RFX1: variants seen among roughly 807,000 people sequenced by gnomAD.
RFX1 encodes MHC class II regulatory factor RFX1.
Under a neutral mutation model 119.6 loss-of-function variants are expected in RFX1, and 42 were observed. That is an observed-to-expected ratio of 0.35 (90% confidence interval 0.27 to 0.45). The LOEUF (loss-of-function observed/expected upper bound fraction) is 0.45, where lower values mean the gene tolerates loss of function less well. RFX1 is among the 20% of genes least tolerant of loss of function. RFX1 has a pLI of 1.00. For missense variants in RFX1, 1,118 were observed against 1,368.1 expected, an observed-to-expected ratio of 0.82 and a Z score of 2.88; for synonymous variants, 628 against 618.5, an observed-to-expected ratio of 1.02 and a Z score of -0.23.
At chr19:14,002,456 T>C (rs191259435) in intron 1 of RFX1, among the ~76,000 whole-genome samples, 106 of 151,196 alleles carry the variant, frequency 7.0e-4, no homozygotes, top group African/African-American at 2.4e-3. Context: ...CTGCACTCCA[T>C]CCTGGGCGAC....
At chr19:13,967,325 G>C (rs1272666096) in intron 12 of RFX1, among the ~76,000 whole-genome samples, 1 of 151,854 alleles carries the variant, frequency 6.6e-6, no homozygotes, top group African/African-American at 2.4e-5. Context: ...CTGTTTTCAT[G>C]GATTGTTGTT....
At chr19:13,973,832 A>G (rs1481320832) in intron 8 of RFX1, among the ~76,000 whole-genome samples, 2 of 151,862 alleles carry the variant, frequency 1.3e-5, no homozygotes, top group African/African-American at 4.8e-5. Flanking sequence ...GTGTTCCACC[A>G]TGTTGGCCAG....
At position 13,985,396 on chromosome 19, in the gene RFX1, T is replaced by A. The variant is rs111972614; in HGVS notation, c.320-1801A>T. Among the ~76,000 whole-genome samples, 3,262 of 152,100 alleles carry A rather than the reference T, an allele frequency of 0.021. 112 individuals are homozygous for A. The highest frequency in any genetic ancestry group is 0.074 in the African/African-American group (3,072 of 41,472). The stretch of plus-strand genomic sequence containing the variant: ...TTTGCCATGTTGGCCAGGCTGCTCT[T>A]GAACTCCTGGCTTCAAGTGATCCGC... On this transcript the variant is annotated intron_variant, in intron 2 of 20. Transcript: ENST00000254325. The surrounding 1 kb of genome is among the most constrained non-coding windows in gnomAD (Gnocchi z 4.3).
rs1034606709 is a variant in RFX1 at position 13,969,369 on chromosome 19, G to A, written c.1497-475C>T. Among the ~76,000 whole-genome samples the A allele has an allele frequency of 1.3e-5, 2 of 152,168 alleles. No individual in the cohort carries two copies. The highest frequency in any genetic ancestry group is 4.8e-5 in the African/African-American group (2 of 41,422). On this transcript the variant is annotated intron_variant, in intron 10 of 20. Transcript: ENST00000254325. The surrounding 1 kb of genome is among the most constrained non-coding windows in gnomAD (Gnocchi z 4.5). ...AATAAGTCATGTAAAAGGCACGTGT[G>A]GGCCGGGCACGGTGGGGTCATGCCT...
chr19:13,974,373 C>T (rs750418836), intron 8 of RFX1, among the ~76,000 whole-genome samples: 10 of 152,060 alleles, frequency 6.6e-5, no homozygotes, highest in East Asian at 1.9e-4. Flanking sequence ...GGATGGGCAC[C>T]GGTGACACAG....
rs193117980 is a variant in RFX1, at chr19:13,965,615, C to G, written c.2113+11G>C. The G allele has an allele frequency of 6.2e-7, 1 of 1,612,798 alleles. No homozygotes were observed. Among genetic ancestry groups the G allele is most frequent in the African/African-American group, 1.3e-5 (1 of 75,004 alleles). On this transcript the variant is annotated intron_variant, in intron 15 of 20. Transcript: ENST00000254325. This position sits in a 1 kb window ranked among gnomAD's most constrained non-coding sequence, Gnocchi z 4.7. ...GTGGGGCAGGGGATGCCGAGCAGGCCGAGCACTCACTGGGGATGGGCCGCA... is the reference window on the plus strand; with the variant it reads ...GTGGGGCAGGGGATGCCGAGCAGGCGGAGCACTCACTGGGGATGGGCCGCA...
rs1198972702 is a variant in RFX1 at position 13,968,888 on chromosome 19, G to A, written c.1503C>T (p.Asn501=). The A allele has an allele frequency of 2.6e-6, 4 of 1,549,628 alleles. No homozygotes were observed. The highest frequency in any genetic ancestry group is 2.7e-5 in the African/African-American group (2 of 73,058). The part of the protein sequence containing the change: ...LRTRRLGTRG[N]SKYHYYGLRI... Reference sequence around the variant, plus strand: ...GCAGGCCATAGTAGTGGTACTTGGAGTTGCCCCTGGGAGGGAGGTGGAGGG... The same window carrying A: ...GCAGGCCATAGTAGTGGTACTTGGAATTGCCCCTGGGAGGGAGGTGGAGGG... The change falls in exon 11 of 21, where the codon AAC becomes AAT. Residue 501 remains asparagine, a synonymous_variant. Transcript: ENST00000254325. The surrounding 1 kb of genome is among the most constrained non-coding windows in gnomAD (Gnocchi z 5.5).
chr19:13,983,607 G>A lies in RFX1; in HGVS notation c.320-12C>T, dbSNP rs776827398. 2.5e-6 allele frequency: 4 copies of A among 1,578,256 alleles called. No individual in the cohort carries two copies. In the Admixed American group the frequency reaches 5.3e-5, roughly 21 times the overall value. On this transcript the variant is annotated splice_polypyrimidine_tract_variant and intron_variant, in intron 2 of 20. Transcript: ENST00000254325. Reference sequence around the variant, plus strand: ...CCGCATGGCACCTTCTGTGGGGAGGGGCCACCAGGTCAGTTCTTCCTGCTT... The same window carrying A: ...CCGCATGGCACCTTCTGTGGGGAGGAGCCACCAGGTCAGTTCTTCCTGCTT...
rs886242734 is a variant in RFX1 at position 13,990,464 on chromosome 19, T to C, written c.319+3061A>G. Reference sequence around the variant, plus strand: ...GGGAGGCTGAAGTGGGAGAATTGTTTGAGGCCAGGAGTTCAAGACCAGCCT... The same window carrying C: ...GGGAGGCTGAAGTGGGAGAATTGTTCGAGGCCAGGAGTTCAAGACCAGCCT... On this transcript the variant is annotated intron_variant, in intron 2 of 20. Coordinates refer to ENST00000254325, the MANE Select transcript of RFX1 (RefSeq NM_002918.5). The surrounding 1 kb of genome is among the most constrained non-coding windows in gnomAD (Gnocchi z 4.1). Among the ~76,000 whole-genome samples, 1 of 151,550 alleles carries C rather than the reference T, an allele frequency of 6.6e-6. No individual in the cohort carries two copies. The highest frequency in any genetic ancestry group is 6.6e-5 in the Admixed American group (1 of 15,190).
At position 13,985,217 on chromosome 19, in the gene RFX1, G is replaced by A. The variant is rs1245816990; in HGVS notation, c.320-1622C>T. On this transcript the variant is annotated intron_variant, in intron 2 of 20. Transcript: ENST00000254325. The surrounding 1 kb of genome is among the most constrained non-coding windows in gnomAD (Gnocchi z 4.3). The stretch of plus-strand genomic sequence containing the variant: ...TTTTTTGAGACAGGGTCTCACAGTT[G>A]CCCAGGCTGGAGTGCAGTGGCGCAA... 2.8e-5 allele frequency among the ~76,000 whole-genome samples: 4 copies of A among 142,536 alleles called. No individual in the cohort carries two copies. Among genetic ancestry groups the A allele is most frequent in the African/African-American group, 1.1e-4 (4 of 37,848 alleles). The allele number at this position is 142,536 out of a possible 152,430, so 93.5% of individuals were successfully genotyped here.
intron 6 of RFX1, 72 bp from the exon 7 acceptor site, chr19:13,979,614 G>T: frequency 9.5e-7 from 1 of 1,057,158 alleles, no homozygotes; most frequent in Non-Finnish European, 1.4e-6. Context: ...CCCTGCACAG[G>T]TGAGCTTCTG....
chr19:13,982,091 G>T, intron 5 of RFX1, 30 bp downstream of exon 5: 1 of 1,163,736 alleles, frequency 8.6e-7, no homozygotes, highest in South Asian at 3.6e-5. Context: ...GACAGCAGGG[G>T]GGAGGGCGGC....
rs186005181 is a variant in RFX1, at chr19:13,969,835, A to C, written c.1496+159T>G. 8 of 628,844 alleles carry C rather than the reference A, an allele frequency of 1.3e-5. No individual in the cohort carries two copies. 39.0% of individuals were successfully genotyped at this position (628,844 alleles called of 1,614,324 possible). On this transcript the variant is annotated intron_variant, in intron 10 of 20. Transcript: ENST00000254325. This position sits in a 1 kb window ranked among gnomAD's most constrained non-coding sequence, Gnocchi z 4.5. ...ATGAGGTGGAAGGCACCGCCAGTGCAAAGGCCTAGAGTGGGAGTGAGCGGG... is the reference window on the plus strand; with the variant it reads ...ATGAGGTGGAAGGCACCGCCAGTGCCAAGGCCTAGAGTGGGAGTGAGCGGG...
intron 8 of RFX1, among the ~76,000 whole-genome samples, chr19:13,974,206 G>C (rs994163351): frequency 3.3e-5 from 5 of 152,104 alleles, no homozygotes; most frequent in Non-Finnish European, 5.9e-5. Flanking sequence ...AAGCAGGAAG[G>C]GGGTGGGGCT....
rs559806837 is a variant in RFX1, at chr19:13,972,875, G to A, written c.1182C>T (p.Gly394=). 1.7e-4 allele frequency: 262 copies of A among 1,557,598 alleles called. 1 individual carries two copies. The highest frequency in any genetic ancestry group is 4.2e-5 in the Non-Finnish European group (48 of 1,156,140). Residue 394 remains glycine (G), a synonymous_variant, in exon 9 of 21, where the codon GGC becomes GGT. Transcript: ENST00000254325. ...TGCTGCCACTGCCACCCCCGCCACC[G>A]CCTCCCCCGCCGCCGCCGCCACCAC... ...GSGGGGGGGG[G]GGGGGSGSTG...
intron 1 of RFX1, among the ~76,000 whole-genome samples, 162 bp downstream of exon 1, chr19:14,005,941 T>C (rs1975361037): frequency 6.8e-6 from 1 of 147,936 alleles, no homozygotes; most frequent in African/African-American, 2.5e-5. Context: ...GGTGGTGTCG[T>C]TCCAGCCGGG....
In RFX1 at chr19:13,980,322, C is replaced by T. The variant is rs1408223194; in HGVS notation, c.738+251G>A. On this transcript the variant is annotated intron_variant, in intron 6 of 20. Transcript: ENST00000254325. The surrounding 1 kb of genome is among the most constrained non-coding windows in gnomAD (Gnocchi z 5.1). ...TCAGGTGGCTTCTCCAAGCGGTTCC[C>T]ATGGCCCACTACGCCCCAGTCTCCT... Among the ~76,000 whole-genome samples the T allele has an allele frequency of 1.3e-5, 2 of 152,238 alleles. No individual in the cohort carries two copies. Among genetic ancestry groups the T allele is most frequent in the African/African-American group, 2.4e-5 (1 of 41,466 alleles).
In RFX1 at chr19:13,986,122, A is replaced by C. The variant is rs1307352980; in HGVS notation, c.320-2527T>G. Reference sequence around the variant, plus strand: ...CTGGGAGAAACCCGAGACAGCCCCGAGTCATGTGACCGGCACTGCACACCT... The same window carrying C: ...CTGGGAGAAACCCGAGACAGCCCCGCGTCATGTGACCGGCACTGCACACCT... On this transcript the variant is annotated intron_variant, in intron 2 of 20. Transcript: ENST00000254325. This position sits in a 1 kb window ranked among gnomAD's most constrained non-coding sequence, Gnocchi z 4.2. Among the ~76,000 whole-genome samples the C allele has an allele frequency of 6.6e-6, 1 of 152,140 alleles. No homozygotes were observed. Among genetic ancestry groups the C allele is most frequent in the East Asian group, 1.9e-4 (1 of 5,184 alleles).
chr19:13,965,419 TAGG>T lies in RFX1; in HGVS notation c.2211+27_2211+29del, dbSNP rs1973861895. ...GAGACGGAGGCCTAAGCCCCAGAGA[TAGG>T]AGAAAGGGACCCCCTCACACTCTCA... On this transcript the variant is annotated intron_variant, in intron 16 of 20. Coordinates refer to ENST00000254325, the MANE Select transcript of RFX1 (RefSeq NM_002918.5). The surrounding 1 kb of genome is among the most constrained non-coding windows in gnomAD (Gnocchi z 4.7). 6.3e-7 allele frequency: 1 copy of T among 1,591,618 alleles called. No individual in the cohort carries two copies. The highest frequency in any genetic ancestry group is 8.6e-7 in the Non-Finnish European group (1 of 1,160,886).
Sources: gnomAD v4.1 joint callset for allele counts (sites outside exome capture counted in the v4.1 genomes callset) on GRCh38, gnomAD v4.1.1 for gene constraint, Gnocchi (gnomAD v3.1) non-coding constraint, MANE v1.5 for transcripts, NCBI Gene and HGNC (gene_info 2026-07-23, HGNC 2026-07-21) for gene names.